OTUD7A: variants seen among roughly 807,000 people sequenced by gnomAD.
The protein encoded by OTUD7A is OTU deubiquitinase 7A.
OTUD7A carries 12 observed loss-of-function variants against 65.7 expected under a neutral mutation model. The observed-to-expected ratio is 0.18, with a 90% CI of 0.12 to 0.30. OTUD7A has a LOEUF of 0.30. Ranked by LOEUF, OTUD7A falls within the 10% of genes least tolerant of loss-of-function variation. The probability of loss-of-function intolerance (pLI) is 1.00; values close to 1 mark genes in which losing one functional copy is unlikely to be tolerated. For missense variants in OTUD7A, 1,148 were observed against 1,304.8 expected (o/e 0.88, Z 1.85); for synonymous variants, 641 against 586.3 (o/e 1.09, Z -1.35).
At chr15:31,852,155 C>T (rs1044645351) in intron 1 of OTUD7A, among the ~76,000 whole-genome samples, 1 of 152,220 alleles carries the variant, frequency 6.6e-6, no homozygotes. Context: ...CTGCGCCCAG[C>T]CCTGACTGCC....
At chr15:31,534,789 C>T (rs1887742758) in intron 5 of OTUD7A, among the ~76,000 whole-genome samples, 1 of 152,184 alleles carries the variant, frequency 6.6e-6, no homozygotes, top group Admixed American at 6.5e-5. Context: ...ACCCCGCCGA[C>T]ATACACCCAA....
intron 1 of OTUD7A, among the ~76,000 whole-genome samples, chr15:31,860,728 C>A (rs1027913474): frequency 1.8e-4 from 13 of 73,052 alleles, no homozygotes; most frequent in African/African-American, 5.3e-4. Context: ...TTTTTTGGGA[C>A]GGAGTTTCGC....
At chr15:31,493,153 A>G (rs1241547609) in intron 10 of OTUD7A, among the ~76,000 whole-genome samples, 6 of 141,626 alleles carry the variant, frequency 4.2e-5, no homozygotes, top group Non-Finnish European at 9.7e-5. Flanking sequence ...TTGTAGGAAA[A>G]AAAAAAAAGA....
intron 1 of OTUD7A, among the ~76,000 whole-genome samples, chr15:31,809,330 A>G (rs1896361544): frequency 1.3e-5 from 2 of 152,164 alleles, no homozygotes; most frequent in Non-Finnish European, 2.9e-5. Context: ...CCCAATGCCA[A>G]TCCCTTTCTT....
intron 1 of OTUD7A, among the ~76,000 whole-genome samples, chr15:31,743,775 A>G (rs1215014307): frequency 4.0e-5 from 6 of 151,786 alleles, no homozygotes; most frequent in Non-Finnish European, 7.4e-5. Context: ...AGAAGAGAAA[A>G]TTAAACAATC....
chr15:31,649,359 G>A (rs1443522340), intron 3 of OTUD7A, among the ~76,000 whole-genome samples: 3 of 151,974 alleles, frequency 2.0e-5, no homozygotes, highest in Non-Finnish European at 2.9e-5. Flanking sequence ...TCTCTTATTG[G>A]CCTCCCTCTG....
intron 1 of OTUD7A, among the ~76,000 whole-genome samples, chr15:31,833,127 T>A (rs546470874): frequency 3.3e-5 from 5 of 152,220 alleles, no homozygotes; most frequent in Admixed American, 6.5e-5. Flanking sequence ...ATGTTCTTGA[T>A]CCTTTTTAAA....
intron 3 of OTUD7A, among the ~76,000 whole-genome samples, chr15:31,610,223 T>C (rs1191645862): frequency 1.3e-5 from 2 of 152,168 alleles, no homozygotes; most frequent in African/African-American, 4.8e-5. Flanking sequence ...GGGTATTATA[T>C]AATGCTAAAA....
intron 1 of OTUD7A, among the ~76,000 whole-genome samples, chr15:31,799,436 A>G (rs921978206): frequency 2.0e-5 from 3 of 152,140 alleles, no homozygotes; most frequent in Non-Finnish European, 2.9e-5. Flanking sequence ...ATGTGCCTGC[A>G]TGTGGAGGTG....
intron 1 of OTUD7A, among the ~76,000 whole-genome samples, chr15:31,793,671 T>C (rs997956933): frequency 1.1e-4 from 17 of 152,252 alleles, no homozygotes; most frequent in Non-Finnish European, 2.2e-4. Flanking sequence ...AGATGTCCCA[T>C]CGTACTGTCA....
chr15:31,660,232 TAAG>T (rs1892123725), intron 1 of OTUD7A, among the ~76,000 whole-genome samples: 1 of 152,228 alleles, frequency 6.6e-6, no homozygotes, highest in South Asian at 2.1e-4. Context: ...CCCACCCTGG[TAAG>T]AAGATCAGAT....
Position 31,487,791 on chromosome 15 carries a change from G to C in OTUD7A, c.1172-225C>G, listed in dbSNP as rs1180982668. ...AGTTGGAAGCGTCACCTGGACCCTGGCTCTCTTTGGGTCTGTCCAATGGCA... is the reference window on the plus strand; with the variant it reads ...AGTTGGAAGCGTCACCTGGACCCTGCCTCTCTTTGGGTCTGTCCAATGGCA... On this transcript the variant is annotated intron_variant, in intron 10 of 12. Transcript: ENST00000307050. This position sits in a 1 kb window ranked among gnomAD's most constrained non-coding sequence, Gnocchi z 6.0. 6.6e-6 allele frequency among the ~76,000 whole-genome samples: 1 copy of C among 152,196 alleles called. No individual in the cohort carries two copies. Among genetic ancestry groups the C allele is most frequent in the African/African-American group, 2.4e-5 (1 of 41,430 alleles).
intron 3 of OTUD7A, among the ~76,000 whole-genome samples, chr15:31,649,207 T>C (rs1490451635): frequency 6.6e-6 from 1 of 152,220 alleles, no homozygotes; most frequent in East Asian, 1.9e-4. Context: ...TTGGCTTTGC[T>C]GTGCCAGAGA....
chr15:31,716,127 ATG>A (rs1396686735), intron 1 of OTUD7A, among the ~76,000 whole-genome samples: 5 of 93,518 alleles, frequency 5.3e-5, no homozygotes, highest in East Asian at 7.6e-4. Context: ...CATGAGAAAT[ATG>A]TGTTTTTTAT....
intron 1 of OTUD7A, among the ~76,000 whole-genome samples, chr15:31,737,255 G>T (rs1362644688): frequency 1.3e-4 from 20 of 152,082 alleles, no homozygotes; most frequent in Admixed American, 1.3e-3. Context: ...CACATACACA[G>T]GCAAGGGACT....
intron 1 of OTUD7A, among the ~76,000 whole-genome samples, chr15:31,679,327 CT>C (rs1002420922): frequency 6.6e-6 from 1 of 152,018 alleles, no homozygotes; most frequent in African/African-American, 2.4e-5. Context: ...CTTTGGGGGA[CT>C]GTTGGAAAGG....
At chr15:31,554,690 C>T (rs905161039) in intron 5 of OTUD7A, among the ~76,000 whole-genome samples, 1 of 152,162 alleles carries the variant, frequency 6.6e-6, no homozygotes, top group South Asian at 2.1e-4. Context: ...ACTGAAGAAC[C>T]ACACCATCTC....
At chr15:31,623,814 A>T (rs1338533642) in intron 3 of OTUD7A, among the ~76,000 whole-genome samples, 1 of 152,168 alleles carries the variant, frequency 6.6e-6, no homozygotes, top group African/African-American at 2.4e-5. Flanking sequence ...TGAACCCGGT[A>T]CCTCAGTTGG....
chr15:31,720,612 G>A (rs1480222671), intron 1 of OTUD7A, among the ~76,000 whole-genome samples: 2 of 152,088 alleles, frequency 1.3e-5, no homozygotes, highest in African/African-American at 4.8e-5. Flanking sequence ...GTGTTAGCCA[G>A]GATGCTCTCA....
Sources: gnomAD v4.1 joint callset for allele counts (sites outside exome capture counted in the v4.1 genomes callset) on GRCh38, gnomAD v4.1.1 for gene constraint, Gnocchi (gnomAD v3.1) non-coding constraint, MANE v1.5 for transcripts, NCBI Gene and HGNC (gene_info 2026-07-23, HGNC 2026-07-21) for gene names.